The following FHIP1A variants were observed in gnomAD, a reference collection of about 807,000 sequenced individuals.
FHIP1A encodes the protein FHF complex subunit HOOK interacting protein 1A, also known as FHF complex subunit HOOK-interacting protein 1A.
Under a neutral mutation model 88.6 loss-of-function variants are expected in FHIP1A, and 61 were observed. The observed-to-expected ratio is 0.69, with a 90% CI of 0.56 to 0.85. The LOEUF is 0.85. FHIP1A is among the 40% of genes least tolerant of loss of function. The pLI is 0.00. For missense variants in FHIP1A, 1,154 were observed against 1,273.5 expected (o/e 0.91, Z 1.43); for synonymous variants, 478 against 496.0 (o/e 0.96, Z 0.48).
chr4:151,656,615 G>A lies in FHIP1A; in HGVS notation c.2731-145G>A, dbSNP rs1011307720. 9.7e-7 allele frequency: 1 copy of A among 1,034,312 alleles called. No homozygotes were observed. Among genetic ancestry groups the A allele is most frequent in the Non-Finnish European group, 1.4e-6 (1 of 714,978 alleles). 64.1% of individuals were successfully genotyped at this position (1,034,312 alleles called of 1,614,324 possible). A position where few individuals can be genotyped will look rare whatever the true frequency, so the allele number is the denominator to read the frequency against. On this transcript the variant is annotated intron_variant, in intron 12 of 13. Transcript: ENST00000435205. The surrounding 1 kb of genome is among the most constrained non-coding windows in gnomAD (Gnocchi z 4.2). The stretch of plus-strand genomic sequence containing the variant: ...GTTTGATGTTTTGACGGTGCCCTAC[G>A]CAGAACACCCAGGCAGTTAAAAATG...
chr4:151,451,539 T>C (rs1728788018), intron 1 of FHIP1A, among the ~76,000 whole-genome samples: 1 of 152,150 alleles, frequency 6.6e-6, no homozygotes, highest in African/African-American at 2.4e-5. Flanking sequence ...ATTCCTTCTT[T>C]CTAAAATGTT....
intron 8 of FHIP1A, among the ~76,000 whole-genome samples, chr4:151,635,498 G>T (rs1199476584): frequency 6.6e-6 from 1 of 151,810 alleles, no homozygotes; most frequent in African/African-American, 2.4e-5. Context: ...TGGATGAATG[G>T]ATAAGAGAGT....
At chr4:151,461,525 A>G (rs895421182) in intron 2 of FHIP1A, among the ~76,000 whole-genome samples, 2 of 152,240 alleles carry the variant, frequency 1.3e-5, no homozygotes, top group Non-Finnish European at 1.5e-5. Flanking sequence ...AATGTTTGAG[A>G]CGATGAATAT....
intron 7 of FHIP1A, among the ~76,000 whole-genome samples, chr4:151,603,286 C>T (rs1578805685): frequency 6.6e-6 from 1 of 151,422 alleles, no homozygotes; most frequent in Admixed American, 6.6e-5. Flanking sequence ...GCACTCCAGC[C>T]TGGGCAACAG....
At chr4:151,612,210 T>C (rs1427758864) in intron 7 of FHIP1A, among the ~76,000 whole-genome samples, 1 of 152,166 alleles carries the variant, frequency 6.6e-6, no homozygotes, top group Non-Finnish European at 1.5e-5. Context: ...TTAGTTTCAT[T>C]ATTCCTTTCA....
At chr4:151,585,051 A>G (rs1227176874) in intron 5 of FHIP1A, among the ~76,000 whole-genome samples, 1 of 152,204 alleles carries the variant, frequency 6.6e-6, no homozygotes, top group Non-Finnish European at 1.5e-5. Flanking sequence ...CTCATTAGAC[A>G]GTGAGATCAA....
chr4:151,644,396 G>C (rs1403447599), intron 9 of FHIP1A, among the ~76,000 whole-genome samples: 1 of 151,896 alleles, frequency 6.6e-6, no homozygotes, highest in African/African-American at 2.4e-5. Flanking sequence ...CTGTCCCCCA[G>C]GCTGGAGTGC....
chr4:151,443,652 T>A (rs1189625535), intron 1 of FHIP1A, among the ~76,000 whole-genome samples: 1 of 147,750 alleles, frequency 6.8e-6, no homozygotes, highest in Non-Finnish European at 1.5e-5. Context: ...CAGTTATCCC[T>A]CTTCCCTGAG....
intron 1 of FHIP1A, among the ~76,000 whole-genome samples, chr4:151,416,934 C>G (rs1732912721): frequency 1.3e-5 from 2 of 152,170 alleles, no homozygotes; most frequent in Admixed American, 1.3e-4. Flanking sequence ...CAGGTGCATG[C>G]CACCATGCCT....
chr4:151,614,821 C>T lies in FHIP1A; in HGVS notation c.979-14881C>T, dbSNP rs111372146. Among the ~76,000 whole-genome samples, 1,434 of 152,234 alleles carry T rather than the reference C, an allele frequency of 9.4e-3. 13 individuals are homozygous for T. The highest frequency in any genetic ancestry group is 0.015 in the Non-Finnish European group (1,036 of 68,012). On this transcript the variant is annotated intron_variant, in intron 7 of 13. Transcript: ENST00000435205. ...AGCTTAATGTATTGTCATAATTGTACGCATCTGAGAGCATTGATTCTATAT... is the reference window on the plus strand; with the variant it reads ...AGCTTAATGTATTGTCATAATTGTATGCATCTGAGAGCATTGATTCTATAT...
At position 151,490,902 on chromosome 4, in the gene FHIP1A, C is replaced by A. The variant is rs116554131; in HGVS notation, c.-123+8254C>A. 5.4e-3 allele frequency among the ~76,000 whole-genome samples: 817 copies of A among 151,986 alleles called. 7 individuals are homozygous for A. The highest frequency in any genetic ancestry group is 0.019 in the African/African-American group (795 of 41,488). ...TCGAACAAGTAGAAAGAACTTCAGA[C>A]CTTGAAGACAAGGCTTTTGAATTAA... On this transcript the variant is annotated intron_variant, in intron 3 of 13. Transcript: ENST00000435205.
chr4:151,541,438 C>T (rs967797889), intron 3 of FHIP1A, among the ~76,000 whole-genome samples: 4 of 152,148 alleles, frequency 2.6e-5, no homozygotes, highest in Non-Finnish European at 5.9e-5. Flanking sequence ...TTTTCCATCA[C>T]GAGAGCTCAT....
chr4:151,628,856 T>C (rs1578837377), intron 7 of FHIP1A, among the ~76,000 whole-genome samples: 1 of 152,200 alleles, frequency 6.6e-6, no homozygotes, highest in East Asian at 1.9e-4. Flanking sequence ...TATTCTCATC[T>C]TAGGAGGACA....
At chr4:151,595,198 T>C (rs2126819225) in intron 7 of FHIP1A, among the ~76,000 whole-genome samples, 1 of 152,360 alleles carries the variant, frequency 6.6e-6, no homozygotes, top group East Asian at 1.9e-4. Context: ...CTGCTTTAGC[T>C]GTGTCCCAGA....
chr4:151,554,250 A>G (rs756948052), intron 3 of FHIP1A, among the ~76,000 whole-genome samples: 6 of 152,152 alleles, frequency 3.9e-5, no homozygotes, highest in African/African-American at 7.2e-5. Context: ...GGCTTTTCTC[A>G]CTGGTGGCTG....
At chr4:151,508,372 C>T (rs1266981435) in intron 3 of FHIP1A, among the ~76,000 whole-genome samples, 1 of 152,156 alleles carries the variant, frequency 6.6e-6, no homozygotes, top group Non-Finnish European at 1.5e-5. Context: ...TGAGGTCTGT[C>T]CACTGGCCAG....
intron 5 of FHIP1A, among the ~76,000 whole-genome samples, chr4:151,580,239 C>G (rs151071270): frequency 6.6e-6 from 1 of 152,266 alleles, no homozygotes; most frequent in Non-Finnish European, 1.5e-5. Flanking sequence ...TATAAAACAC[C>G]CCACATTCTG....
At chr4:151,623,070 T>C (rs981294712) in intron 7 of FHIP1A, among the ~76,000 whole-genome samples, 1 of 152,186 alleles carries the variant, frequency 6.6e-6, no homozygotes, top group African/African-American at 2.4e-5. Flanking sequence ...ACTTTGGATG[T>C]GATGAAAGCA....
chr4:151,412,606 T>TCCTC (rs1561484087), intron 1 of FHIP1A, among the ~76,000 whole-genome samples: 8 of 138,686 alleles, frequency 5.8e-5, no homozygotes, highest in African/African-American at 2.2e-4. Context: ...CTTCCTTCCT[T>TCCTC]CCTTCCTCCC....
Sources: allele counts gnomAD v4.1 joint callset (sites outside exome capture counted in the v4.1 genomes callset), GRCh38; gene constraint gnomAD v4.1.1; non-coding constraint Gnocchi (gnomAD v3.1); transcripts MANE v1.5; gene names NCBI Gene and HGNC (gene_info 2026-07-23, HGNC 2026-07-21).